The following ZNF638 variants were observed in gnomAD, a reference collection of about 807,000 sequenced individuals.
The protein encoded by ZNF638 is CTCL tumor antigen se33-1.
ZNF638 carries 46 observed loss-of-function variants against 195.6 expected under a neutral mutation model. The observed-to-expected ratio is 0.24, with a 90% CI of 0.19 to 0.30. The LOEUF is 0.30. ZNF638 is among the 10% of genes least tolerant of loss of function. The pLI, the probability that ZNF638 is intolerant of heterozygous loss-of-function variation, is 1.00. For missense variants in ZNF638, 2,440 were observed against 2,325.3 expected (o/e 1.05, Z -1.01); for synonymous variants, 845 against 772.0 (o/e 1.09, Z -1.57).
chr2:71,388,854 A>G, intron 10 of ZNF638: 1 of 655,270 alleles, frequency 1.5e-6, no homozygotes, highest in East Asian at 2.7e-5. Flanking sequence ...GCTTAAAGCT[A>G]GCAGAGCCTC....
In ZNF638 at chr2:71,432,974, C is replaced by G. The variant is rs372353415; in HGVS notation, c.5753-191C>G. Among the ~76,000 whole-genome samples the G allele has an allele frequency of 3.3e-4, 50 of 152,326 alleles. No homozygotes were observed. The South Asian group carries it at 9.9e-3, about 30-fold the overall frequency. On this transcript the variant is annotated intron_variant, in intron 26 of 27. Transcript: ENST00000264447. ...CGGTGGCGCACACCTGTAATCCTAGCTATTCGGGAGCCTGAGGCAGGAGAA... is the reference window on the plus strand; with the variant it reads ...CGGTGGCGCACACCTGTAATCCTAGGTATTCGGGAGCCTGAGGCAGGAGAA...
Position 71,400,173 on chromosome 2 carries a change from T to C in ZNF638, c.2649T>C (p.Ala883=). 1 of 1,604,320 alleles carries C rather than the reference T, an allele frequency of 6.2e-7. No homozygotes were observed. Among genetic ancestry groups the C allele is most frequent in the Admixed American group, 1.7e-5 (1 of 58,132 alleles). The change falls in exon 14 of 28, where the codon GCT becomes GCC. Residue 883 remains alanine, a synonymous_variant. Coordinates refer to ENST00000264447, the MANE Select transcript of ZNF638 (RefSeq NM_014497.5). ...CCACTGAAAACTGTGCTAAAGAAGC[T>C]ATTTCTGGTAGGTCAATAGAAATTT... ...VKATENCAKE[A]ISDAALEATE...
At chr2:71,345,075 T>C (rs141146855) in intron 1 of ZNF638, among the ~76,000 whole-genome samples, 36 of 152,310 alleles carry the variant, frequency 2.4e-4, no homozygotes, top group African/African-American at 8.7e-4. Flanking sequence ...GAGAATGACA[T>C]TTTGAGAGCA....
intron 8 of ZNF638, among the ~76,000 whole-genome samples, chr2:71,377,410 A>G (rs1183063244): frequency 6.6e-6 from 1 of 152,244 alleles, no homozygotes; most frequent in East Asian, 1.9e-4. Flanking sequence ...CATTACAATT[A>G]AAACTGGAGC....
chr2:71,388,417 G>T, intron 10 of ZNF638: 1 of 674,922 alleles, frequency 1.5e-6, no homozygotes, highest in Non-Finnish European at 2.7e-6. Context: ...GTGCAGGACT[G>T]CTCCCTACAG....
At chr2:71,378,384 T>A (rs1275519883) in intron 8 of ZNF638, among the ~76,000 whole-genome samples, 3 of 152,178 alleles carry the variant, frequency 2.0e-5, no homozygotes. Context: ...ACATGTGGGA[T>A]AAAATCCCAT....
At chr2:71,383,207 C>G (rs1214364869) in intron 10 of ZNF638, among the ~76,000 whole-genome samples, 2 of 152,058 alleles carry the variant, frequency 1.3e-5, no homozygotes, top group African/African-American at 2.4e-5. Flanking sequence ...CCCAGCTACT[C>G]AGGAGGCCGA....
At chr2:71,396,977 A>G (rs1040037688) in intron 11 of ZNF638, among the ~76,000 whole-genome samples, 1 of 152,176 alleles carries the variant, frequency 6.6e-6, no homozygotes. Flanking sequence ...AATCTTTCAT[A>G]TAATGTTAAA....
chr2:71,355,177 C>T (rs528001963), intron 2 of ZNF638, among the ~76,000 whole-genome samples: 2 of 151,856 alleles, frequency 1.3e-5, no homozygotes, highest in Non-Finnish European at 1.5e-5. Flanking sequence ...ACAGTAGTGT[C>T]GATCTCCTGA....
At chr2:71,337,625 C>T (rs896129323) in intron 1 of ZNF638, among the ~76,000 whole-genome samples, 6 of 152,092 alleles carry the variant, frequency 3.9e-5, no homozygotes, top group African/African-American at 7.2e-5. Flanking sequence ...AGGCTGGTCT[C>T]GAACTCCTGA....
chr2:71,343,621 GA>G (rs2078801245), intron 1 of ZNF638, among the ~76,000 whole-genome samples: 1 of 152,114 alleles, frequency 6.6e-6, no homozygotes, highest in South Asian at 2.1e-4. Flanking sequence ...ATAGAAGAGA[GA>G]TTAGATTGTC....
Position 71,336,467 on chromosome 2 carries a change from G to A in ZNF638, c.-203+4592G>A, listed in dbSNP as rs151189114. Reference sequence around the variant, plus strand: ...CAATATAGGAAATACTGAAAGAAAGGTGGATGTAAGCAATTAACTCCTATG... The same window carrying A: ...CAATATAGGAAATACTGAAAGAAAGATGGATGTAAGCAATTAACTCCTATG... On this transcript the variant is annotated intron_variant, in intron 1 of 27. Transcript: ENST00000264447. Among the ~76,000 whole-genome samples the A allele has an allele frequency of 2.9e-3, 434 of 151,510 alleles. 2 individuals are homozygous for A. The highest frequency in any genetic ancestry group is 0.01 in the African/African-American group (414 of 41,264).
chr2:71,422,599 C>T (rs2080454821), intron 21 of ZNF638, among the ~76,000 whole-genome samples: 1 of 152,172 alleles, frequency 6.6e-6, no homozygotes, highest in Non-Finnish European at 1.5e-5. Context: ...AACATATCAA[C>T]AGTCATAATT....
chr2:71,349,453 C>G lies in ZNF638; in HGVS notation c.499C>G (p.Pro167Ala), dbSNP rs2078905715. The G allele has an allele frequency of 6.2e-7, 1 of 1,613,938 alleles. No homozygotes were observed. Among genetic ancestry groups the G allele is most frequent in the South Asian group, 1.1e-5 (1 of 91,064 alleles). ...TCGCTATCCTGATGAACAACTAACT[C>G]CTGAAAATATGCCATTAATTTTGAG... is the stretch of plus-strand genomic sequence containing the variant. ...LSRYPDEQLT[P>A]ENMPLILRDI... is the part of the protein sequence containing the mutation. The change falls in exon 2 of 28, where the codon CCT becomes GCT. Residue 167 changes from proline (P) to alanine (A), a missense_variant. Pro to Ala is a conservative substitution (Grantham distance 27). Around this residue, in one of 5 missense-constraint regions of ZNF638, gnomAD observed 24 missense variants for 53.1 expected, o/e 0.45. Coordinates refer to ENST00000264447, the MANE Select transcript of ZNF638 (RefSeq NM_014497.5).
intron 27 of ZNF638, chr2:71,433,584 T>C (rs1023448753): frequency 9.3e-6 from 2 of 214,668 alleles, no homozygotes; most frequent in African/African-American, 2.3e-5. Flanking sequence ...GACATTAGCA[T>C]ATTAAAGTTT....
chr2:71,333,642 A>G (rs1454448977), intron 1 of ZNF638, among the ~76,000 whole-genome samples: 1 of 152,212 alleles, frequency 6.6e-6, no homozygotes, highest in Non-Finnish European at 1.5e-5. Flanking sequence ...AAAATGAGAC[A>G]AGTAGTTTAG....
chr2:71,423,037 AAAG>A lies in ZNF638; in HGVS notation c.3529_3531del (p.Glu1177del). 6.2e-7 allele frequency: 1 copy of A among 1,614,158 alleles called. No homozygotes were observed. The highest frequency in any genetic ancestry group is 1.7e-5 in the Admixed American group (1 of 60,026). On this transcript the variant is annotated inframe_deletion, in exon 22 of 28. Coordinates refer to ENST00000264447, the MANE Select transcript of ZNF638 (RefSeq NM_014497.5). Reference sequence around the variant, plus strand: ...GCTTGAAACTCAAGGAGAGGAGGTCAAAGAAGAAATTCCTCTTGTAGCATCCGC... The same window carrying A: ...GCTTGAAACTCAAGGAGAGGAGGTCAAAGAAATTCCTCTTGTAGCATCCGC...
chr2:71,369,905 A>G lies in ZNF638; in HGVS notation c.2165A>G (p.Lys722Arg), dbSNP rs537310466. The change falls in exon 8 of 28, where the codon AAA (lysine) becomes AGA (arginine). Residue 722 changes from lysine (K) to arginine (R), a missense_variant. Physicochemically the swap from Lys to Arg is conservative, Grantham distance 26 (BLOSUM62 2). Coordinates refer to ENST00000264447, the MANE Select transcript of ZNF638 (RefSeq NM_014497.5). ...RKEAYLEMEF[K>R]EAITAIMKYI... ...TAGGCTTACCTAGAAATGGAATTTA[A>G]AGAGGCAATTACTGCAATTATGAAG... is the stretch of plus-strand genomic sequence containing the variant. 5.2e-5 allele frequency: 83 copies of G among 1,586,812 alleles called. 1 individual carries two copies. The South Asian group carries it at 7.8e-4, about 15-fold the overall frequency.
At chr2:71,346,402 A>G (rs1394036229) in intron 1 of ZNF638, among the ~76,000 whole-genome samples, 1 of 152,222 alleles carries the variant, frequency 6.6e-6, no homozygotes, top group Non-Finnish European at 1.5e-5. Context: ...TGAACTTTTT[A>G]ACAGAATGTA....
Sources: gnomAD v4.1 joint callset for allele counts (sites outside exome capture counted in the v4.1 genomes callset) on GRCh38, gnomAD v4.1.1 for gene constraint, gnomAD v4.1.1 regional missense constraint, MANE v1.5 for transcripts, NCBI Gene and HGNC (gene_info 2026-07-23, HGNC 2026-07-21) for gene names.